The following LSAMP variants were observed in gnomAD, a reference collection of about 807,000 sequenced individuals.
LSAMP encodes limbic system associated membrane protein.
In LSAMP, 7 loss-of-function variants were observed where a neutral mutation model predicts 38.6. The observed-to-expected ratio is 0.18, with a 90% CI of 0.10 to 0.34. The LOEUF is 0.34. Among genes scored for constraint, LSAMP ranks in the 10% least tolerant of loss-of-function variants. LSAMP has a pLI of 1.00. For missense variants in LSAMP, 313 were observed against 420.0 expected, an observed-to-expected ratio of 0.75 and a Z score of 2.23; for synonymous variants, 154 against 166.8, an observed-to-expected ratio of 0.92 and a Z score of 0.59.
At chr3:115,946,745 C>T (rs1458365710) in intron 3 of LSAMP, among the ~76,000 whole-genome samples, 1 of 149,556 alleles carries the variant, frequency 6.7e-6, no homozygotes, top group Non-Finnish European at 1.5e-5. Context: ...CCAGAGAATA[C>T]AAAAAAAAAG....
chr3:115,939,633 C>T (rs1937841226), intron 3 of LSAMP, among the ~76,000 whole-genome samples: 1 of 149,018 alleles, frequency 6.7e-6, no homozygotes, highest in Non-Finnish European at 1.5e-5. Context: ...CTTGCTGCAG[C>T]CTTGAGACTC....
At chr3:116,378,415 T>C (rs1344892346) in intron 1 of LSAMP, among the ~76,000 whole-genome samples, 2 of 152,080 alleles carry the variant, frequency 1.3e-5, no homozygotes, top group Admixed American at 1.3e-4. Flanking sequence ...GTCTTTCTTT[T>C]GTAGGTATGA....
rs991351991 is a variant in LSAMP, at chr3:115,806,750, C to T, written c.*3567G>A. On this transcript the variant is annotated 3_prime_UTR_variant, in exon 7 of 7. Coordinates refer to ENST00000490035, the MANE Select transcript of LSAMP (RefSeq NM_002338.5). ...TCCTTCCTGAGAGAAAACCCATCTG[C>T]TTTTCTATAAGCCTTAGTTCTTTTA... The T allele has an allele frequency of 2.6e-5, 4 of 152,178 alleles. No homozygotes were observed. Among genetic ancestry groups the T allele is most frequent in the Non-Finnish European group, 5.9e-5 (4 of 68,028 alleles). The allele number at this position is 152,178 out of a possible 1,614,324, so 9.4% of individuals were successfully genotyped here.
chr3:116,088,885 C>T lies in LSAMP; in HGVS notation c.156-2329G>A, dbSNP rs527401174. ...CACCAATAACTAATCTAGGATAAAA[C>T]AGGCATTTGATAAATGCCTGTCCTG... On this transcript the variant is annotated intron_variant, in intron 1 of 6. Coordinates refer to ENST00000490035, the MANE Select transcript of LSAMP (RefSeq NM_002338.5). Among the ~76,000 whole-genome samples, 3 of 152,260 alleles carry T rather than the reference C, an allele frequency of 2.0e-5. No individual in the cohort carries two copies. The South Asian group carries it at 6.2e-4, about 32-fold the overall frequency.
intron 6 of LSAMP, among the ~76,000 whole-genome samples, chr3:115,811,565 T>A (rs1577027693): frequency 1.5e-5 from 1 of 64,664 alleles, no homozygotes; most frequent in African/African-American, 1.4e-4. Context: ...TATGTGTGAG[T>A]GTGTGTGTGT....
intron 1 of LSAMP, among the ~76,000 whole-genome samples, chr3:116,397,148 T>C (rs1457416272): frequency 1.3e-5 from 2 of 152,174 alleles, no homozygotes; most frequent in East Asian, 3.9e-4. Context: ...TAAGTCTTAA[T>C]AGGATAAGTG....
intron 2 of LSAMP, among the ~76,000 whole-genome samples, chr3:116,069,284 A>T (rs1270707540): frequency 6.6e-6 from 1 of 152,146 alleles, no homozygotes; most frequent in East Asian, 1.9e-4. Flanking sequence ...CTCACACTCC[A>T]TGTGTGGCTA....
chr3:115,849,423 A>C (rs1486294470), intron 4 of LSAMP, among the ~76,000 whole-genome samples: 5 of 152,086 alleles, frequency 3.3e-5, no homozygotes, highest in African/African-American at 1.2e-4. Flanking sequence ...ATCTGTTGGC[A>C]ACTGAGTAAA....
At chr3:115,958,120 T>G (rs1445576233) in intron 3 of LSAMP, among the ~76,000 whole-genome samples, 6 of 152,172 alleles carry the variant, frequency 3.9e-5, no homozygotes, top group Admixed American at 3.9e-4. Context: ...ACGCACATAG[T>G]TTGGCTCATT....
chr3:116,167,918 G>C (rs1210615271), intron 1 of LSAMP, among the ~76,000 whole-genome samples: 1 of 152,160 alleles, frequency 6.6e-6, no homozygotes, highest in African/African-American at 2.4e-5. Context: ...AGGGGTAAAA[G>C]AGCAGTGAGA....
At chr3:115,898,145 G>A (rs1936775447) in intron 3 of LSAMP, among the ~76,000 whole-genome samples, 1 of 152,102 alleles carries the variant, frequency 6.6e-6, no homozygotes, top group Non-Finnish European at 1.5e-5. Flanking sequence ...GGTGTTAAGG[G>A]TTTAGTGTTT....
chr3:115,905,073 C>T (rs756130629), intron 3 of LSAMP, among the ~76,000 whole-genome samples: 14 of 152,086 alleles, frequency 9.2e-5, no homozygotes, highest in Non-Finnish European at 1.3e-4. Flanking sequence ...GGCTCTACTT[C>T]AGACATATCT....
chr3:116,274,175 A>G (rs2047016918), intron 1 of LSAMP, among the ~76,000 whole-genome samples: 1 of 152,064 alleles, frequency 6.6e-6, no homozygotes, highest in South Asian at 2.1e-4. Flanking sequence ...CTGAGTTTCT[A>G]TGCTTGGTTC....
intron 1 of LSAMP, among the ~76,000 whole-genome samples, chr3:116,336,377 T>C (rs939178638): frequency 6.6e-6 from 1 of 151,848 alleles, no homozygotes; most frequent in African/African-American, 2.4e-5. Flanking sequence ...ATAATTAACA[T>C]CCAGAATATG....
intron 1 of LSAMP, among the ~76,000 whole-genome samples, chr3:116,193,969 G>T (rs189859223): frequency 9.2e-5 from 14 of 152,248 alleles, no homozygotes; most frequent in African/African-American, 1.2e-4. Context: ...CACAGTGTTT[G>T]CTAAGTCATG....
At chr3:115,968,185 C>A (rs1170957717) in intron 3 of LSAMP, among the ~76,000 whole-genome samples, 1 of 152,060 alleles carries the variant, frequency 6.6e-6, no homozygotes, top group African/African-American at 2.4e-5. Context: ...TGGTGCTCTA[C>A]TGCACTGTGG....
chr3:116,107,168 A>G (rs1708486872), intron 1 of LSAMP, among the ~76,000 whole-genome samples: 1 of 152,150 alleles, frequency 6.6e-6, no homozygotes, highest in East Asian at 1.9e-4. Context: ...CATGAAGGTC[A>G]GGTGTGGTAT....
At chr3:116,287,167 G>A (rs1403204198) in intron 1 of LSAMP, among the ~76,000 whole-genome samples, 1 of 152,056 alleles carries the variant, frequency 6.6e-6, no homozygotes, top group Non-Finnish European at 1.5e-5. Flanking sequence ...ATCTCTGTAT[G>A]TGTGTGTGTA....
Position 115,867,809 on chromosome 3 carries a change from G to A in LSAMP, c.515-15192C>T, listed in dbSNP as rs79683997. ...TAAAGTCTATTTGCTAAGAGACTTC[G>A]TTTTGATATGACATATAATAATCAT... is the stretch of plus-strand genomic sequence containing the variant. On this transcript the variant is annotated intron_variant, in intron 3 of 6. Coordinates refer to ENST00000490035, the MANE Select transcript of LSAMP (RefSeq NM_002338.5). 5.6e-4 allele frequency among the ~76,000 whole-genome samples: 85 copies of A among 152,238 alleles called. 1 individual carries two copies. In the East Asian group the frequency reaches 0.013, roughly 23 times the overall value.
Sources: allele counts gnomAD v4.1 joint callset (sites outside exome capture counted in the v4.1 genomes callset), GRCh38; gene constraint gnomAD v4.1.1; transcripts MANE v1.5; gene names NCBI Gene and HGNC (gene_info 2026-07-23, HGNC 2026-07-21).